RADIL: variants seen among roughly 807,000 people sequenced by gnomAD.
RADIL encodes Rap associating with DIL domain.
RADIL carries 99 observed loss-of-function variants against 97.6 expected under a neutral mutation model. The observed-to-expected ratio is 1.01, with a 90% CI of 0.86 to 1.20. The LOEUF is 1.20. RADIL is among the 50% of genes most tolerant of loss of function. RADIL has a pLI of 0.00. For synonymous variants in RADIL, 803 were observed against 691.8 expected (o/e 1.16, Z -2.52); for missense variants, 1,765 against 1,498.9 (o/e 1.18, Z -2.93).
chr7:4,800,058 C>T (rs1782028352), intron 13 of RADIL, 113 bp downstream of exon 13: 3 of 1,408,992 alleles, frequency 2.1e-6, no homozygotes, highest in Admixed American at 5.0e-5. Context: ...CCACTCTCCT[C>T]CCCGAAGGCC....
chr7:4,874,587 G>T (rs1038730721), intron 2 of RADIL, among the ~76,000 whole-genome samples: 2 of 152,218 alleles, frequency 1.3e-5, no homozygotes, highest in Non-Finnish European at 2.9e-5. Context: ...GGCCCAGGGG[G>T]CCAGCTCTGG....
chr7:4,806,077 A>C, intron 9 of RADIL: 1 of 984,250 alleles, frequency 1.0e-6, no homozygotes, highest in Non-Finnish European at 1.2e-6. Context: ...GAAATCAATC[A>C]AGTCGGCTAA....
rs1336379013 is a variant in RADIL, at chr7:4,818,041, T to G, written c.1616-690A>C. On this transcript the variant is annotated intron_variant, in intron 6 of 14. Transcript: ENST00000399583. The surrounding 1 kb of genome is among the most constrained non-coding windows in gnomAD (Gnocchi z 7.1). ...CTGGGGAAGGGGCCAGGACCCTGGG[T>G]GTTCCGCCTTTGGGCGCCTTCATTC... Among the ~76,000 whole-genome samples, 2 of 152,208 alleles carry G rather than the reference T, an allele frequency of 1.3e-5. No homozygotes were observed. Among genetic ancestry groups the G allele is most frequent in the Non-Finnish European group, 2.9e-5 (2 of 68,032 alleles).
intron 11 of RADIL, among the ~76,000 whole-genome samples, chr7:4,802,702 G>A (rs1484886476): frequency 8.9e-6 from 1 of 112,822 alleles, no homozygotes; most frequent in Admixed American, 8.3e-5. Context: ...CACGCTGGCT[G>A]GGTCCCCTCC....
intron 4 of RADIL, among the ~76,000 whole-genome samples, chr7:4,833,708 G>A (rs553033427): frequency 1.3e-5 from 2 of 152,320 alleles, no homozygotes; most frequent in South Asian, 2.1e-4. Flanking sequence ...CCAGACTAGC[G>A]AGGATCTGAG....
Position 4,837,719 on chromosome 7 carries a change from C to A in RADIL, c.536-1114G>T, listed in dbSNP as rs896618471. The A allele has an allele frequency of 8.7e-6, 5 of 577,464 alleles. No individual in the cohort carries two copies. In the African/African-American group the frequency reaches 1.0e-4, roughly 12 times the overall value. 35.8% of individuals were successfully genotyped at this position (577,464 alleles called of 1,614,324 possible). A position where few individuals can be genotyped will look rare whatever the true frequency, so the allele number is the denominator to read the frequency against. On this transcript the variant is annotated intron_variant, in intron 2 of 14. Coordinates refer to ENST00000399583, the MANE Select transcript of RADIL (RefSeq NM_018059.5). This position sits in a 1 kb window ranked among gnomAD's most constrained non-coding sequence, Gnocchi z 5.6. ...CATGCACACAAACATGCGCACAGTT[C>A]AGAGATAACACACACCCTTAGAAGA...
chr7:4,797,288 T>C lies in RADIL; in HGVS notation c.*2090A>G, dbSNP rs1034227501. 1 of 152,268 alleles carries C rather than the reference T, an allele frequency of 6.6e-6. No homozygotes were observed. The highest frequency in any genetic ancestry group is 1.9e-4 in the East Asian group (1 of 5,194). The allele number at this position is 152,268 out of a possible 1,614,324, so 9.4% of individuals were successfully genotyped here. A position where few individuals can be genotyped will look rare whatever the true frequency, so the allele number is the denominator to read the frequency against. ...CTTCCTTGGGGTGATGCCAAGAGCT[T>C]CTTTCCATGGATGCTGAGTTCCAGG... On this transcript the variant is annotated 3_prime_UTR_variant, in exon 15 of 15. Transcript: ENST00000399583.
At chr7:4,858,706 T>A (rs1050388146) in intron 2 of RADIL, 1 of 152,600 alleles carries the variant, frequency 6.6e-6, no homozygotes, top group African/African-American at 2.4e-5. Flanking sequence ...CAGAAACATA[T>A]CTCATAGACA....
intron 9 of RADIL, among the ~76,000 whole-genome samples, chr7:4,812,654 T>C (rs1042099068): frequency 3.9e-5 from 6 of 152,134 alleles, no homozygotes; most frequent in African/African-American, 1.4e-4. Context: ...ACTCCTGACC[T>C]CAAATGATCC....
intron 10 of RADIL, among the ~76,000 whole-genome samples, chr7:4,804,369 G>A (rs80309864): frequency 0.019 from 2,968 of 152,324 alleles, 72 homozygotes; most frequent in African/African-American, 0.066. Context: ...ACGGTGACCC[G>A]GGGCTGCGGG....
chr7:4,875,744 C>A (rs1344849231), intron 2 of RADIL, among the ~76,000 whole-genome samples: 1 of 152,164 alleles, frequency 6.6e-6, no homozygotes, highest in African/African-American at 2.4e-5. Context: ...TCCCACCATG[C>A]GCCTCCTCCC....
chr7:4,836,302 C>T, intron 3 of RADIL, 56 bp downstream of exon 3: 1 of 1,549,910 alleles, frequency 6.5e-7, no homozygotes, highest in Non-Finnish European at 8.7e-7. Flanking sequence ...CTTCTGAGTC[C>T]CGCCTGCTGT....
Position 4,815,511 on chromosome 7 carries a change from G to C in RADIL, c.1967-61C>G. On this transcript the variant is annotated intron_variant, in intron 8 of 14. Transcript: ENST00000399583. The surrounding 1 kb of genome is among the most constrained non-coding windows in gnomAD (Gnocchi z 8.0). ...GCCCTCCTGGGGGGACACAGACATG[G>C]GCCTGTCCCCAGAGCCTGCCCTTCC... 1 of 1,422,038 alleles carries C rather than the reference G, an allele frequency of 7.0e-7. No individual in the cohort carries two copies. The highest frequency in any genetic ancestry group is 1.5e-5 in the South Asian group (1 of 66,494). The allele number at this position is 1,422,038 out of a possible 1,614,324, so 88.1% of individuals were successfully genotyped here. A position where few individuals can be genotyped will look rare whatever the true frequency, so the allele number is the denominator to read the frequency against.
chr7:4,862,506 A>G (rs1274328604), intron 2 of RADIL, among the ~76,000 whole-genome samples: 2 of 152,150 alleles, frequency 1.3e-5, no homozygotes, highest in African/African-American at 4.8e-5. Context: ...AGCTAGGTGA[A>G]CTACTGCTCG....
chr7:4,826,585 T>A (rs1043480315), intron 5 of RADIL, among the ~76,000 whole-genome samples: 7 of 151,544 alleles, frequency 4.6e-5, no homozygotes, highest in Non-Finnish European at 8.8e-5. Flanking sequence ...ATACAAAAAT[T>A]AGCCGGGCGT....
rs774854763 is a variant in RADIL, at chr7:4,816,411, G to C, written c.1783C>G (p.Arg595Gly). ...LLECPPFQTERRESWSSAPEL... is the reference protein window; with the variant it reads ...LLECPPFQTEGRESWSSAPEL... Reference sequence around the variant, plus strand: ...GGGGCCGAGGACCAGCTCTCACGGCGCTCCGTCTGGAATGGCGGGCACTCC... The same window carrying C: ...GGGGCCGAGGACCAGCTCTCACGGCCCTCCGTCTGGAATGGCGGGCACTCC... Residue 595 changes from arginine (R) to glycine (G), a missense_variant, in exon 8 of 15, where the codon CGC (arginine) becomes GGC (glycine). Transcript: ENST00000399583. 5.0e-6 allele frequency: 8 copies of C among 1,608,928 alleles called. No homozygotes were observed. The highest frequency in any genetic ancestry group is 6.8e-6 in the Non-Finnish European group (8 of 1,178,588).
chr7:4,864,461 CAG>C (rs1245752632), intron 2 of RADIL, among the ~76,000 whole-genome samples: 1 of 152,264 alleles, frequency 6.6e-6, no homozygotes, highest in East Asian at 1.9e-4. Flanking sequence ...ATATTTTAAT[CAG>C]ACTCTCTTCT....
chr7:4,825,339 C>T (rs1056968245), intron 5 of RADIL, among the ~76,000 whole-genome samples: 8 of 152,128 alleles, frequency 5.3e-5, no homozygotes, highest in Non-Finnish European at 1.2e-4. Flanking sequence ...GGAACCAAGG[C>T]GATGGAAACA....
intron 13 of RADIL, 70 bp from the exon 14 acceptor site, chr7:4,799,839 C>T (rs1782019625): frequency 9.7e-6 from 14 of 1,437,508 alleles, no homozygotes; most frequent in African/African-American, 2.9e-5. Flanking sequence ...CCACTGCAGC[C>T]CCTCCCTTGG....
Sources: allele counts gnomAD v4.1 joint callset (sites outside exome capture counted in the v4.1 genomes callset), GRCh38; gene constraint gnomAD v4.1.1; non-coding constraint Gnocchi (gnomAD v3.1); transcripts MANE v1.5; gene names NCBI Gene and HGNC (gene_info 2026-07-23, HGNC 2026-07-21).